Variants in NAALADL2 observed in about 807,000 individuals in gnomAD.
NAALADL2 encodes the protein inactive N-acetylated-alpha-linked acidic dipeptidase-like protein 2.
Under a neutral mutation model 87.2 loss-of-function variants are expected in NAALADL2, and 76 were observed. The ratio of observed to expected loss-of-function variants is 0.87; its 90% CI spans 0.72 to 1.05. The LOEUF (loss-of-function observed/expected upper bound fraction) is 1.05, where lower values mean the gene tolerates loss of function less well. Among genes scored for constraint, NAALADL2 ranks in the 50% least tolerant of loss-of-function variants. The pLI is 0.00. For synonymous variants in NAALADL2, 354 were observed against 331.0 expected, an observed-to-expected ratio of 1.07 and a Z score of -0.75; for missense variants, 1,089 against 945.8, an observed-to-expected ratio of 1.15 and a Z score of -1.99.
At chr3:174,810,809 C>T (rs543252712) in intron 3 of NAALADL2, among the ~76,000 whole-genome samples, 43 of 152,180 alleles carry the variant, frequency 2.8e-4, no homozygotes, top group Admixed American at 1.6e-3. Flanking sequence ...GAGAAGACCT[C>T]GAAGGTATTT....
intron 2 of NAALADL2, among the ~76,000 whole-genome samples, chr3:174,563,932 T>G (rs1448746783): frequency 6.6e-6 from 1 of 152,126 alleles, no homozygotes; most frequent in Non-Finnish European, 1.5e-5. Flanking sequence ...GCTTTAAACC[T>G]TCCGTAGATG....
At chr3:175,227,171 C>T (rs1033455196) in intron 2 of NAALADL2, among the ~76,000 whole-genome samples, 1 of 152,008 alleles carries the variant, frequency 6.6e-6, no homozygotes, top group African/African-American at 2.4e-5. Flanking sequence ...CATTCATTTA[C>T]AGTATACTCT....
rs562702183 is a variant in NAALADL2 at position 175,221,090 on chromosome 3, T to C, written c.546-12841T>C. Among the ~76,000 whole-genome samples the C allele has an allele frequency of 2.3e-4, 35 of 151,922 alleles. No individual in the cohort carries two copies. In the South Asian group the frequency reaches 7.1e-3, roughly 31 times the overall value. ...GGCGAGTGCCTGTAATCTTAGATACTTGGGAGGCTGAGGTGGGAGAATCAC... is the reference window on the plus strand; with the variant it reads ...GGCGAGTGCCTGTAATCTTAGATACCTGGGAGGCTGAGGTGGGAGAATCAC... On this transcript the variant is annotated intron_variant, in intron 2 of 13. Transcript: ENST00000454872.
chr3:175,406,898 C>T (rs1201249021), intron 5 of NAALADL2, among the ~76,000 whole-genome samples: 1 of 151,648 alleles, frequency 6.6e-6, no homozygotes, highest in Non-Finnish European at 1.5e-5. Context: ...TTAAAAGTGT[C>T]GGCCGGGCGC....
chr3:175,622,904 A>G lies in NAALADL2; in HGVS notation c.1801-4387A>G, dbSNP rs569803032. On this transcript the variant is annotated intron_variant, in intron 10 of 13. Transcript: ENST00000454872. ...ATCTTAAACAGATGAGTAGGAGAGC[A>G]GATAAAAATTACCCATACCTGCAAT... is the stretch of plus-strand genomic sequence containing the variant. Among the ~76,000 whole-genome samples, 2 of 152,278 alleles carry G rather than the reference A, an allele frequency of 1.3e-5. 1 individual carries two copies. Among genetic ancestry groups the G allele is most frequent in the East Asian group, 3.9e-4 (2 of 5,180 alleles).
intron 9 of NAALADL2, among the ~76,000 whole-genome samples, chr3:175,499,641 C>T (rs1241628274): frequency 6.6e-6 from 1 of 151,930 alleles, no homozygotes; most frequent in East Asian, 1.9e-4. Context: ...CGGATTGGAG[C>T]CTTACGTGGG....
intron 11 of NAALADL2, among the ~76,000 whole-genome samples, chr3:175,679,740 C>A (rs942012166): frequency 3.3e-5 from 5 of 152,162 alleles, no homozygotes; most frequent in African/African-American, 1.2e-4. Context: ...TCAGCAGCTG[C>A]TGTGCCTGAG....
intron 4 of NAALADL2, among the ~76,000 whole-genome samples, chr3:175,299,500 G>T (rs1320716717): frequency 1.3e-5 from 2 of 151,752 alleles, no homozygotes; most frequent in African/African-American, 4.8e-5. Flanking sequence ...TCCTTGAAGA[G>T]GTCCTTCACA....
At chr3:175,680,519 A>G (rs1735444121) in intron 11 of NAALADL2, among the ~76,000 whole-genome samples, 1 of 152,118 alleles carries the variant, frequency 6.6e-6, no homozygotes, top group South Asian at 2.1e-4. Context: ...TCATTTTTTA[A>G]AATAATATTT....
At chr3:175,433,412 T>C (rs1203453035) in intron 5 of NAALADL2, among the ~76,000 whole-genome samples, 1 of 152,054 alleles carries the variant, frequency 6.6e-6, no homozygotes, top group Admixed American at 6.6e-5. Context: ...AGCTCCATTA[T>C]CATGGAAATG....
At chr3:175,713,581 A>C (rs1026842026) in intron 11 of NAALADL2, among the ~76,000 whole-genome samples, 12 of 152,102 alleles carry the variant, frequency 7.9e-5, no homozygotes, top group African/African-American at 2.9e-4. Context: ...TTAGAATATC[A>C]AGTACAAATG....
At chr3:175,526,798 C>T (rs569798736) in intron 9 of NAALADL2, among the ~76,000 whole-genome samples, 4 of 152,134 alleles carry the variant, frequency 2.6e-5, no homozygotes, top group African/African-American at 7.2e-5. Flanking sequence ...AACTTTCTTC[C>T]GGGGAAAACC....
At chr3:175,088,348 G>A (rs760606269) in intron 1 of NAALADL2, among the ~76,000 whole-genome samples, 1 of 152,154 alleles carries the variant, frequency 6.6e-6, no homozygotes, top group Non-Finnish European at 1.5e-5. Flanking sequence ...TAGACATACT[G>A]TGCAAATGTG....
At chr3:175,240,757 G>A (rs1255629645) in intron 3 of NAALADL2, among the ~76,000 whole-genome samples, 3 of 152,176 alleles carry the variant, frequency 2.0e-5, no homozygotes, top group Admixed American at 1.3e-4. Context: ...CCAGGTTCAA[G>A]CGATTCTCCT....
At chr3:174,519,806 AC>A (rs1172751801) in intron 1 of NAALADL2, among the ~76,000 whole-genome samples, 11 of 152,144 alleles carry the variant, frequency 7.2e-5, no homozygotes, top group Non-Finnish European at 1.2e-4. Flanking sequence ...CATGATAAAA[AC>A]CCTTAACGAA....
intron 9 of NAALADL2, among the ~76,000 whole-genome samples, chr3:175,573,165 A>T (rs1161033620): frequency 1.3e-5 from 2 of 152,192 alleles, no homozygotes; most frequent in Non-Finnish European, 2.9e-5. Context: ...TTGAGAAAAA[A>T]ATTTCGATCT....
At chr3:175,092,441 T>A (rs1720315788) in intron 1 of NAALADL2, among the ~76,000 whole-genome samples, 1 of 151,932 alleles carries the variant, frequency 6.6e-6, no homozygotes, top group Non-Finnish European at 1.5e-5. Context: ...AAGTAATATG[T>A]AACATTTAAA....
intron 3 of NAALADL2, among the ~76,000 whole-genome samples, chr3:174,762,079 A>G (rs1713051911): frequency 6.6e-6 from 1 of 151,884 alleles, no homozygotes; most frequent in African/African-American, 2.4e-5. Flanking sequence ...TATTTTTTAA[A>G]GCTATATTGA....
At chr3:175,025,786 G>T (rs532410901) in intron 1 of NAALADL2, among the ~76,000 whole-genome samples, 19 of 152,110 alleles carry the variant, frequency 1.2e-4, no homozygotes, top group African/African-American at 4.3e-4. Context: ...TCTCTGTTTA[G>T]CCATATTTGT....
Sources: gnomAD v4.1 joint callset for allele counts (sites outside exome capture counted in the v4.1 genomes callset) on GRCh38, gnomAD v4.1.1 for gene constraint, MANE v1.5 for transcripts, NCBI Gene and HGNC (gene_info 2026-07-23, HGNC 2026-07-21) for gene names.